HTR2A: variants seen among roughly 807,000 people sequenced by gnomAD.
HTR2A encodes 5-HT2 receptor.
In HTR2A, 14 loss-of-function variants were observed where a neutral mutation model predicts 31.0. That is an observed-to-expected ratio of 0.45 (90% confidence interval 0.30 to 0.71). HTR2A has a LOEUF of 0.71. HTR2A is among the 30% of genes least tolerant of loss of function. The pLI, the probability that HTR2A is intolerant of heterozygous loss-of-function variation, is 0.09. For synonymous variants in HTR2A, 209 were observed against 225.2 expected (o/e 0.93, Z 0.64); for missense variants, 442 against 573.3 (o/e 0.77, Z 2.34).
rs919355841 is a variant in HTR2A at position 46,897,008 on chromosome 13, C to G, written c.-663G>C. 1.7e-6 allele frequency: 1 copy of G among 598,678 alleles called. No individual in the cohort carries two copies. The highest frequency in any genetic ancestry group is 1.9e-5 in the African/African-American group (1 of 53,620). The allele number at this position is 598,678 out of a possible 1,614,324, so 37.1% of individuals were successfully genotyped here. ...TGCATGGGAAAGTAGGAAGAGCTGT[C>G]TGCACCAAGGGACTCCTGGTTTCCA... is the stretch of plus-strand genomic sequence containing the variant. On this transcript the variant is annotated 5_prime_UTR_variant, in exon 1 of 4. Coordinates refer to ENST00000542664, the MANE Select transcript of HTR2A (RefSeq NM_000621.5).
At chr13:46,844,637 G>A (rs775172142) in intron 3 of HTR2A, among the ~76,000 whole-genome samples, 127 of 152,196 alleles carry the variant, frequency 8.3e-4, no homozygotes, top group Non-Finnish European at 1.7e-3. Context: ...ATCTAGGCCC[G>A]TTATTTTTCA....
chr13:46,870,289 A>G (rs1950854769), intron 3 of HTR2A, among the ~76,000 whole-genome samples: 1 of 152,220 alleles, frequency 6.6e-6, no homozygotes, highest in Non-Finnish European at 1.5e-5. Context: ...ACTGTCTTGA[A>G]CATGCTACTT....
chr13:46,881,359 A>G (rs566912185), intron 3 of HTR2A, among the ~76,000 whole-genome samples: 5 of 152,324 alleles, frequency 3.3e-5, no homozygotes, highest in Non-Finnish European at 7.3e-5. Flanking sequence ...TAGAGACAGT[A>G]GCACTTTCTC....
intron 3 of HTR2A, among the ~76,000 whole-genome samples, chr13:46,857,297 TAAAA>T (rs34073547): frequency 7.5e-6 from 1 of 133,522 alleles, no homozygotes; most frequent in Non-Finnish European, 1.6e-5. Context: ...GACTCCATCT[TAAAA>T]AAAAAAAAAA....
intron 3 of HTR2A, among the ~76,000 whole-genome samples, chr13:46,888,757 C>G (rs1951028842): frequency 6.6e-6 from 1 of 152,076 alleles, no homozygotes; most frequent in Non-Finnish European, 1.5e-5. Flanking sequence ...CAAAAGACAA[C>G]AGGGATAGAT....
intron 3 of HTR2A, among the ~76,000 whole-genome samples, chr13:46,881,463 G>A (rs1353172843): frequency 2.6e-5 from 4 of 152,152 alleles, no homozygotes; most frequent in Non-Finnish European, 5.9e-5. Flanking sequence ...CCTCTGGGGA[G>A]GGAAATGAAG....
chr13:46,855,079 G>C (rs910075183), intron 3 of HTR2A, among the ~76,000 whole-genome samples: 2 of 152,180 alleles, frequency 1.3e-5, no homozygotes, highest in Non-Finnish European at 2.9e-5. Context: ...CCAGAGCTAA[G>C]AAGAGGCCAT....
At chr13:46,881,622 T>C (rs186802412) in intron 3 of HTR2A, among the ~76,000 whole-genome samples, 21 of 152,370 alleles carry the variant, frequency 1.4e-4, no homozygotes, top group African/African-American at 5.0e-4. Flanking sequence ...ACTTACCATA[T>C]GATCTCCCAG....
intron 3 of HTR2A, among the ~76,000 whole-genome samples, chr13:46,853,412 T>C (rs1040753410): frequency 3.3e-5 from 5 of 152,060 alleles, no homozygotes; most frequent in African/African-American, 1.2e-4. Context: ...AGCAGGTTGC[T>C]CTCTTCCCTT....
At chr13:46,875,226 T>C (rs183067950) in intron 3 of HTR2A, among the ~76,000 whole-genome samples, 160 of 152,324 alleles carry the variant, frequency 1.1e-3, no homozygotes, top group Non-Finnish European at 1.9e-3. Flanking sequence ...TAAACCTTTA[T>C]AGTTGTTCAT....
rs28461499 is a variant in HTR2A at position 46,883,959 on chromosome 13, G to C, written c.613+8431C>G. Among the ~76,000 whole-genome samples the C allele has an allele frequency of 4.1e-3, 626 of 152,330 alleles. 3 individuals are homozygous for C. Among genetic ancestry groups the C allele is most frequent in the African/African-American group, 0.013 (550 of 41,584 alleles). On this transcript the variant is annotated intron_variant, in intron 3 of 3. Coordinates refer to ENST00000542664, the MANE Select transcript of HTR2A (RefSeq NM_000621.5). The stretch of plus-strand genomic sequence containing the variant: ...CCACACTGATAATGGTGAGCAAGGG[G>C]AAAGCAGCAGTACATTTCAGGAGTA...
chr13:46,843,441 G>A (rs573961109), intron 3 of HTR2A, among the ~76,000 whole-genome samples: 1 of 152,278 alleles, frequency 6.6e-6, no homozygotes, highest in Non-Finnish European at 1.5e-5. Flanking sequence ...GGTCCATTCT[G>A]TGTACCTATA....
intron 3 of HTR2A, among the ~76,000 whole-genome samples, chr13:46,849,693 A>T (rs1950667677): frequency 6.6e-6 from 1 of 152,116 alleles, no homozygotes. Context: ...TGTCCATGTA[A>T]ATGCCCTCTC....
intron 3 of HTR2A, chr13:46,856,397 C>T (rs1231265135): frequency 2.0e-5 from 3 of 152,158 alleles, no homozygotes; most frequent in African/African-American, 7.2e-5. Context: ...TCTTCATACA[C>T]TGCAAGTTTA....
In HTR2A at chr13:46,835,389, A is replaced by G; in HGVS notation, c.864T>C (p.Ser288=). ...GCTGGAAGAGCTTTTCTGAAGACAA[A>G]GAACTCTGAGGGAGGAAGCTGAAAG... The part of the protein sequence containing the change: ...LASFSFLPQS[S]LSSEKLFQRS... Residue 288 remains serine (S), a synonymous_variant, in exon 4 of 4, where the codon TCT becomes TCC. Transcript: ENST00000542664. 6.2e-7 allele frequency: 1 copy of G among 1,614,108 alleles called. No homozygotes were observed. The highest frequency in any genetic ancestry group is 8.5e-7 in the Non-Finnish European group (1 of 1,179,986).
intron 3 of HTR2A, among the ~76,000 whole-genome samples, chr13:46,858,572 A>G (rs1950756843): frequency 6.6e-6 from 1 of 152,210 alleles, no homozygotes; most frequent in South Asian, 2.1e-4. Flanking sequence ...TTTGGGTTTT[A>G]GGAATTAGAC....
chr13:46,848,910 G>A (rs75864476), intron 3 of HTR2A, among the ~76,000 whole-genome samples: 12 of 152,170 alleles, frequency 7.9e-5, no homozygotes, highest in African/African-American at 2.9e-4. Context: ...TTACTTATAC[G>A]TGGGAAGCAG....
chr13:46,847,636 C>A (rs1950652787), intron 3 of HTR2A, among the ~76,000 whole-genome samples: 1 of 152,166 alleles, frequency 6.6e-6, no homozygotes, highest in Non-Finnish European at 1.5e-5. Flanking sequence ...CTTTTGGGTT[C>A]TTCTTTATTT....
chr13:46,843,319 T>C (rs1490067117), intron 3 of HTR2A, among the ~76,000 whole-genome samples: 1 of 152,154 alleles, frequency 6.6e-6, no homozygotes, highest in Non-Finnish European at 1.5e-5. Context: ...ACATAGTATA[T>C]ATAGGGTTCA....
Sources: gnomAD v4.1 joint callset for allele counts (sites outside exome capture counted in the v4.1 genomes callset) on GRCh38, gnomAD v4.1.1 for gene constraint, MANE v1.5 for transcripts, NCBI Gene and HGNC (gene_info 2026-07-23, HGNC 2026-07-21) for gene names.